The following WDR35 variants were observed in gnomAD, a reference collection of about 807,000 sequenced individuals.
The protein encoded by WDR35 is WD repeat domain 35.
In WDR35, 118 loss-of-function variants were observed where a neutral mutation model predicts 158.3. The ratio of observed to expected loss-of-function variants is 0.75; its 90% CI spans 0.64 to 0.87. WDR35 has a LOEUF of 0.87. Ranked by LOEUF, WDR35 falls within the 40% of genes least tolerant of loss-of-function variation. The probability of loss-of-function intolerance (pLI) is 0.00; values close to 1 mark genes in which losing one functional copy is unlikely to be tolerated. For missense variants in WDR35, 1,263 were observed against 1,405.8 expected (o/e 0.90, Z 1.62); for synonymous variants, 448 against 476.1 (o/e 0.94, Z 0.77).
At chr2:19,966,383 CA>C (rs1671853540) in intron 10 of WDR35, among the ~76,000 whole-genome samples, 1 of 152,178 alleles carries the variant, frequency 6.6e-6, no homozygotes, top group Admixed American at 6.5e-5. Context: ...ATAATTTCTT[CA>C]GCATTTATGC....
At chr2:19,930,680 CTTT>C in intron 24 of WDR35, 128 bp from the exon 25 acceptor site, 1 of 1,253,034 alleles carries the variant, frequency 8.0e-7, no homozygotes, top group Non-Finnish European at 1.1e-6. Context: ...TGATTACAGA[CTTT>C]TTTTTTTAAG....
At chr2:19,967,577 T>C (rs1671898218) in intron 9 of WDR35, among the ~76,000 whole-genome samples, 1 of 151,822 alleles carries the variant, frequency 6.6e-6, no homozygotes, top group South Asian at 2.1e-4. Context: ...AATAAAAAAA[T>C]AAAAATACAT....
Position 19,928,892 on chromosome 2 carries a change from C to T in WDR35, c.3121+1504G>A, listed in dbSNP as rs185495191. Among the ~76,000 whole-genome samples, 1,425 of 152,078 alleles carry T rather than the reference C, an allele frequency of 9.4e-3. 23 individuals are homozygous for T. Among genetic ancestry groups the T allele is most frequent in the African/African-American group, 0.032 (1,347 of 41,466 alleles). ...TGCGATCTCGGCTCACTGCAAGCTC[C>T]GCCTCCCAGGTTCACACCATTCTCC... On this transcript the variant is annotated intron_variant, in intron 25 of 26. Transcript: ENST00000281405.
chr2:19,990,100 C>G lies in WDR35; in HGVS notation c.-85G>C. The G allele has an allele frequency of 6.4e-7, 1 of 1,564,074 alleles. No individual in the cohort carries two copies. The highest frequency in any genetic ancestry group is 8.7e-7 in the Non-Finnish European group (1 of 1,148,778). Reference sequence around the variant, plus strand: ...CGTCTCCAATCGGGAGTACCAGCAGCTCCGGAAAGCTCCCGTCGCCCTGGC... The same window carrying G: ...CGTCTCCAATCGGGAGTACCAGCAGGTCCGGAAAGCTCCCGTCGCCCTGGC... On this transcript the variant is annotated 5_prime_UTR_variant, in exon 1 of 27. Transcript: ENST00000281405.
chr2:19,919,399 G>A (rs111575146), intron 25 of WDR35, among the ~76,000 whole-genome samples: 23,315 of 83,418 alleles, frequency 0.28, 2,477 homozygotes, highest in East Asian at 0.49. Flanking sequence ...AAAAAAAAAA[G>A]AAAAGAAAAA....
intron 16 of WDR35, among the ~76,000 whole-genome samples, chr2:19,944,159 C>T (rs978260897): frequency 1.3e-5 from 2 of 151,930 alleles, no homozygotes; most frequent in African/African-American, 4.8e-5. Context: ...AAGCCAGTGT[C>T]CTTGTGAATG....
At chr2:19,931,507 G>A (rs1023739694) in intron 23 of WDR35, 98 bp from the exon 24 acceptor site, 3 of 1,388,064 alleles carry the variant, frequency 2.2e-6, no homozygotes, top group African/African-American at 2.8e-5. Flanking sequence ...CCTAAAAAAG[G>A]AGGAAAATCA....
chr2:19,936,358 C>T lies in WDR35; in HGVS notation c.2275G>A (p.Ala759Thr). The part of the protein sequence containing the change: ...TYLEMDRRDL[A>T]IGLRLKLGDW... The stretch of plus-strand genomic sequence containing the variant: ...CCCAATTTCAGCCGGAGGCCAATAG[C>T]AAGATCCCTACAAACAAAGGCATTC... Residue 759 changes from alanine to threonine, a missense_variant, in exon 20 of 27, where the codon GCT becomes ACT. By Grantham distance (58) the Ala-to-Thr change is moderately conservative. Transcript: ENST00000281405. 1 of 1,613,938 alleles carries T rather than the reference C, an allele frequency of 6.2e-7. No homozygotes were observed. The highest frequency in any genetic ancestry group is 8.5e-7 in the Non-Finnish European group (1 of 1,179,868).
intron 25 of WDR35, among the ~76,000 whole-genome samples, chr2:19,925,360 A>T (rs1337403664): frequency 6.6e-6 from 1 of 152,216 alleles, no homozygotes; most frequent in Non-Finnish European, 1.5e-5. Flanking sequence ...GGGAATGGGG[A>T]AAAGTGAAAT....
intron 8 of WDR35, 143 bp from the exon 9 acceptor site, chr2:19,969,748 A>ATTTTT: frequency 4.8e-6 from 3 of 619,346 alleles, no homozygotes; most frequent in Non-Finnish European, 7.4e-6. Context: ...TGTTTCTTGA[A>ATTTTT]TTTTTTTTTT....
rs1335547817 is a variant in WDR35, at chr2:19,938,355, C to T, written c.1973G>A (p.Arg658Gln). The T allele has an allele frequency of 5.0e-6, 8 of 1,613,704 alleles. No individual in the cohort carries two copies. Among genetic ancestry groups the T allele is most frequent in the African/African-American group, 1.3e-5 (1 of 74,806 alleles). ...CAGTGCTCGGCTATCTCGCAGAGAC[C>T]GAATCTCAAAGTTAATTAGGTAATC... is the stretch of plus-strand genomic sequence containing the variant. ...NKDYLINFEI[R>Q]SLRDSRALIE... is the part of the protein sequence containing the mutation. Residue 658 changes from arginine to glutamine, a missense_variant, in exon 18 of 27, where the codon CGG becomes CAG. Arg to Gln is a conservative substitution (Grantham distance 43, BLOSUM62 1). Transcript: ENST00000281405.
At chr2:19,957,147 T>C (rs540878793) in intron 11 of WDR35, among the ~76,000 whole-genome samples, 3 of 152,186 alleles carry the variant, frequency 2.0e-5, no homozygotes, top group Non-Finnish European at 4.4e-5. Flanking sequence ...TGCTCTTAAC[T>C]ACTAGAGCAG....
intron 14 of WDR35, among the ~76,000 whole-genome samples, chr2:19,947,080 A>G (rs551285508): frequency 1.8e-4 from 27 of 152,348 alleles, no homozygotes; most frequent in African/African-American, 6.3e-4. Flanking sequence ...GATACTATGA[A>G]TATTAGTTTA....
Position 19,913,413 on chromosome 2 carries a change from A to C in WDR35, c.*145T>G, listed in dbSNP as rs1669894736. On this transcript the variant is annotated 3_prime_UTR_variant, in exon 27 of 27. Transcript: ENST00000281405. ...TTGCCATAAAAATTATTTTATTAAC[A>C]TATATTTTGTGCAAAAATTCAACTA... 2 of 986,166 alleles carry C rather than the reference A, an allele frequency of 2.0e-6. No homozygotes were observed. The highest frequency in any genetic ancestry group is 3.3e-5 in the African/African-American group (2 of 61,226). The allele number at this position is 986,166 out of a possible 1,614,324, so 61.1% of individuals were successfully genotyped here.
chr2:19,954,421 T>G (rs2103427348), intron 11 of WDR35, among the ~76,000 whole-genome samples: 1 of 152,356 alleles, frequency 6.6e-6, no homozygotes, highest in South Asian at 2.1e-4. Context: ...GCAAATCGTG[T>G]ATCTGAAAAG....
At chr2:19,957,491 A>G (rs958649172) in intron 11 of WDR35, among the ~76,000 whole-genome samples, 3 of 152,124 alleles carry the variant, frequency 2.0e-5, no homozygotes, top group Non-Finnish European at 2.9e-5. Flanking sequence ...AAGGCCCTCC[A>G]TGCCCTTTTT....
intron 3 of WDR35, among the ~76,000 whole-genome samples, chr2:19,982,151 T>C (rs1558360945): frequency 6.6e-6 from 1 of 152,178 alleles, no homozygotes; most frequent in Non-Finnish European, 1.5e-5. Context: ...ATCAATAAGT[T>C]ACATAAGATA....
At chr2:19,987,596 G>T (rs904821235) in intron 2 of WDR35, among the ~76,000 whole-genome samples, 1 of 151,928 alleles carries the variant, frequency 6.6e-6, no homozygotes, top group Non-Finnish European at 1.5e-5. Context: ...GGCCGAGGTG[G>T]GTAGATCACG....
chr2:19,937,058 T>G (rs759918036), intron 19 of WDR35, among the ~76,000 whole-genome samples: 1 of 152,210 alleles, frequency 6.6e-6, no homozygotes, highest in Non-Finnish European at 1.5e-5. Flanking sequence ...ACACATGTGG[T>G]TTTATATGAC....
Sources: gnomAD v4.1 joint callset for allele counts (sites outside exome capture counted in the v4.1 genomes callset) on GRCh38, gnomAD v4.1.1 for gene constraint, MANE v1.5 for transcripts, NCBI Gene and HGNC (gene_info 2026-07-23, HGNC 2026-07-21) for gene names.